Variants in CPB2 observed in about 807,000 individuals in gnomAD.
The protein encoded by CPB2 is carboxypeptidase B2.
CPB2 carries 54 observed loss-of-function variants against 57.0 expected under a neutral mutation model. The observed-to-expected ratio is 0.95, with a 90% CI of 0.76 to 1.19. CPB2 has a LOEUF of 1.19. Among genes scored for constraint, CPB2 ranks in the 50% most tolerant of loss-of-function variants. The pLI is 0.00. For missense variants in CPB2, 426 were observed against 512.0 expected, an observed-to-expected ratio of 0.83 and a Z score of 1.62; for synonymous variants, 189 against 178.1, an observed-to-expected ratio of 1.06 and a Z score of -0.49.
intron 10 of CPB2, among the ~76,000 whole-genome samples, chr13:46,054,860 T>TTTTTTTTTTTTTTTTTTTTTGAG (rs1214381772): frequency 1.3e-5 from 2 of 151,100 alleles, no homozygotes; most frequent in African/African-American, 2.5e-5. Flanking sequence ...AAGTAATTCT[T>TTTTTTTTTTTTTTTTTTTTTGAG]ATGCATTAGC....
intron 1 of CPB2, among the ~76,000 whole-genome samples, chr13:46,092,179 A>G (rs1012763652): frequency 6.6e-6 from 1 of 152,266 alleles, no homozygotes; most frequent in Non-Finnish European, 1.5e-5. Context: ...TTCCAGTTAT[A>G]CCCTCCTTTA....
At chr13:46,086,994 G>C (rs2031634) in intron 2 of CPB2, among the ~76,000 whole-genome samples, 118,816 of 152,230 alleles carry the variant, frequency 0.78, 46,741 homozygotes, top group African/African-American at 0.87. Flanking sequence ...GCAGGCACTT[G>C]CGAGCCTGTA....
At chr13:46,082,825 A>G (rs1054905014) in intron 3 of CPB2, among the ~76,000 whole-genome samples, 3 of 152,288 alleles carry the variant, frequency 2.0e-5, no homozygotes, top group Admixed American at 6.5e-5. Flanking sequence ...CATTACCAAC[A>G]TTACTCAATG....
At chr13:46,097,870 T>C (rs1238442125) in intron 1 of CPB2, among the ~76,000 whole-genome samples, 1 of 152,222 alleles carries the variant, frequency 6.6e-6, no homozygotes, top group Non-Finnish European at 1.5e-5. Context: ...TCTGTACTTA[T>C]AAAAATTCCG....
At chr13:46,101,065 A>G (rs1210270651) in intron 1 of CPB2, 1 of 152,204 alleles carries the variant, frequency 6.6e-6, no homozygotes, top group Non-Finnish European at 1.5e-5. Flanking sequence ...AACAAACTGC[A>G]ACCTAACTTA....
At chr13:46,065,165 C>T (rs774255025) in intron 7 of CPB2, among the ~76,000 whole-genome samples, 1 of 152,180 alleles carries the variant, frequency 6.6e-6, no homozygotes, top group Non-Finnish European at 1.5e-5. Context: ...AAAATGCTCT[C>T]TTTAGGTAGA....
chr13:46,104,960 T>G lies in CPB2; in HGVS notation c.50A>C (p.Glu17Ala), dbSNP rs2045475968. 2 of 1,613,856 alleles carry G rather than the reference T, an allele frequency of 1.2e-6. No individual in the cohort carries two copies. Among genetic ancestry groups the G allele is most frequent in the African/African-American group, 1.3e-5 (1 of 74,924 alleles). ...CCTCTGAAACGCGAAGACATGCTGC[T>G]CACAGAAGAGAACAATGGGTACAAG... ...AVLVPIVLFCEQHVFAFQSGQ... is the reference protein window; with the variant it reads ...AVLVPIVLFCAQHVFAFQSGQ... Residue 17 changes from glutamate to alanine, a missense_variant, in exon 1 of 11, where the codon GAG becomes GCG. Physicochemically the swap from Glu to Ala is moderately radical, Grantham distance 107. Transcript: ENST00000181383.
chr13:46,098,747 G>A (rs1193077962), intron 1 of CPB2: 2 of 152,296 alleles, frequency 1.3e-5, no homozygotes, highest in Admixed American at 6.5e-5. Flanking sequence ...AACTTTACCA[G>A]GCCAACCCAG....
At chr13:46,065,982 T>C (rs1489959287) in intron 7 of CPB2, among the ~76,000 whole-genome samples, 1 of 152,214 alleles carries the variant, frequency 6.6e-6, no homozygotes, top group Non-Finnish European at 1.5e-5. Context: ...TGCTAGGTAA[T>C]TCTCATTTAC....
chr13:46,069,770 CT>C (rs1490702575), intron 6 of CPB2, among the ~76,000 whole-genome samples: 1 of 152,054 alleles, frequency 6.6e-6, no homozygotes, highest in East Asian at 1.9e-4. Context: ...GTTGTTTCCA[CT>C]TTTTGACTAT....
At chr13:46,058,629 G>A (rs931079582) in intron 8 of CPB2, among the ~76,000 whole-genome samples, 2 of 152,152 alleles carry the variant, frequency 1.3e-5, no homozygotes, top group South Asian at 4.1e-4. Context: ...CCTTGAGAAA[G>A]TGGCTAAGAG....
At position 46,090,516 on chromosome 13, in the gene CPB2, C is replaced by T. The variant is rs543088259; in HGVS notation, c.75-2696G>A. Among the ~76,000 whole-genome samples, 371 of 149,828 alleles carry T rather than the reference C, an allele frequency of 2.5e-3. 1 individual carries two copies. Among genetic ancestry groups the T allele is most frequent in the Non-Finnish European group, 4.4e-3 (298 of 67,402 alleles). ...TAGCTGGGATTACAGGTGCACACCA[C>T]CATGGCTGGCTAATTTTTGTATTTT... On this transcript the variant is annotated intron_variant, in intron 1 of 10. Coordinates refer to ENST00000181383, the MANE Select transcript of CPB2 (RefSeq NM_001872.5).
chr13:46,079,566 G>GAAAA (rs1450459212), intron 4 of CPB2, among the ~76,000 whole-genome samples: 2 of 139,742 alleles, frequency 1.4e-5, no homozygotes, highest in African/African-American at 5.2e-5. Flanking sequence ...GAAAAGAAAA[G>GAAAA]AAAAGAAAAA....
chr13:46,102,395 T>C (rs1353677373), intron 1 of CPB2, among the ~76,000 whole-genome samples: 1 of 152,164 alleles, frequency 6.6e-6, no homozygotes, highest in Non-Finnish European at 1.5e-5. Context: ...TTTGGCTGCC[T>C]TTCCCTTTGG....
chr13:46,056,805 C>G (rs1297348909), intron 9 of CPB2, among the ~76,000 whole-genome samples: 1 of 152,134 alleles, frequency 6.6e-6, no homozygotes, highest in African/African-American at 2.4e-5. Context: ...ACATCAACAG[C>G]ACTTTATTAT....
chr13:46,091,968 C>G (rs2045299543), intron 1 of CPB2, among the ~76,000 whole-genome samples: 1 of 152,208 alleles, frequency 6.6e-6, no homozygotes, highest in Admixed American at 6.5e-5. Context: ...ACTGAGTAAC[C>G]TCACAAGAAC....
chr13:46,079,212 C>G (rs915598476), intron 4 of CPB2, among the ~76,000 whole-genome samples: 1 of 152,040 alleles, frequency 6.6e-6, no homozygotes, highest in Non-Finnish European at 1.5e-5. Context: ...AGTCACTGCC[C>G]CTGTGTATGA....
In CPB2 at chr13:46,067,430, C is replaced by G; in HGVS notation, c.592-13G>C. The G allele has an allele frequency of 1.6e-6, 2 of 1,229,440 alleles. No individual in the cohort carries two copies. Among genetic ancestry groups the G allele is most frequent in the Non-Finnish European group, 2.4e-6 (2 of 837,794 alleles). 76.2% of individuals were successfully genotyped at this position (1,229,440 alleles called of 1,614,324 possible). A position where few individuals can be genotyped will look rare whatever the true frequency, so the allele number is the denominator to read the frequency against. On this transcript the variant is annotated splice_polypyrimidine_tract_variant and intron_variant, in intron 6 of 10. Transcript: ENST00000181383. ...AGAATTGAGTTATCTGCAAATTAAA[C>G]CAAGTATATTTAATTAGATGTTTTA...
chr13:46,054,357 T>C (rs1000046731), intron 10 of CPB2, among the ~76,000 whole-genome samples: 9 of 152,188 alleles, frequency 5.9e-5, no homozygotes, highest in Non-Finnish European at 2.9e-5. Context: ...CATGTAGACC[T>C]TTTTTTCTCC....
Sources: gnomAD v4.1 joint callset for allele counts (sites outside exome capture counted in the v4.1 genomes callset) on GRCh38, gnomAD v4.1.1 for gene constraint, MANE v1.5 for transcripts, NCBI Gene and HGNC (gene_info 2026-07-23, HGNC 2026-07-21) for gene names.